Variants in UNC13C observed in about 807,000 individuals in gnomAD.
UNC13C encodes unc-13 homolog C.
Under a neutral mutation model 245.4 loss-of-function variants are expected in UNC13C, and 174 were observed. That is an observed-to-expected ratio of 0.71 (90% CI 0.63 to 0.80). The LOEUF is 0.80. UNC13C is among the 30% of genes least tolerant of loss of function. The probability of loss-of-function intolerance (pLI) is 0.00; values close to 1 mark genes in which losing one functional copy is unlikely to be tolerated. For synonymous variants in UNC13C, 992 were observed against 895.1 expected, an observed-to-expected ratio of 1.11 and a Z score of -1.93; for missense variants, 2,829 against 2,602.9, an observed-to-expected ratio of 1.09 and a Z score of -1.89.
intron 15 of UNC13C, among the ~76,000 whole-genome samples, chr15:54,332,648 T>A (rs1366336117): frequency 6.6e-6 from 1 of 151,974 alleles, no homozygotes; most frequent in Non-Finnish European, 1.5e-5. Context: ...ACAAATATAT[T>A]CATGTACATA....
chr15:54,040,828 C>T (rs1041125842), intron 2 of UNC13C, among the ~76,000 whole-genome samples: 1 of 152,202 alleles, frequency 6.6e-6, no homozygotes, highest in African/African-American at 2.4e-5. Flanking sequence ...CTGAAATGTT[C>T]TTGCCTCAGG....
chr15:54,414,181 G>A (rs1424245116), intron 18 of UNC13C, among the ~76,000 whole-genome samples: 1 of 152,018 alleles, frequency 6.6e-6, no homozygotes, highest in Non-Finnish European at 1.5e-5. Flanking sequence ...AGGGAGTGAG[G>A]AATCTTTGTT....
At chr15:54,361,145 CT>C (rs2039221497) in intron 17 of UNC13C, among the ~76,000 whole-genome samples, 2 of 152,028 alleles carry the variant, frequency 1.3e-5, no homozygotes, top group Non-Finnish European at 2.9e-5. Flanking sequence ...CATAGGACTT[CT>C]TTACTCTTTT....
chr15:54,459,540 C>T (rs775681226), intron 19 of UNC13C, among the ~76,000 whole-genome samples: 12 of 152,186 alleles, frequency 7.9e-5, no homozygotes, highest in South Asian at 2.1e-4. Context: ...ATTATTCTTA[C>T]GTTTGGTTGT....
chr15:54,258,228 T>C (rs189765434), intron 8 of UNC13C, among the ~76,000 whole-genome samples: 110 of 152,256 alleles, frequency 7.2e-4, no homozygotes, highest in Non-Finnish European at 1.4e-3. Context: ...CTTTAAGCCC[T>C]TCCTTGGCCC....
intron 2 of UNC13C, among the ~76,000 whole-genome samples, chr15:54,081,856 A>T (rs1898960286): frequency 6.6e-6 from 1 of 151,948 alleles, no homozygotes; most frequent in Admixed American, 6.5e-5. Flanking sequence ...GCTTTGTACA[A>T]TTGTGTAGCT....
chr15:54,385,223 C>G (rs8042489), intron 17 of UNC13C, among the ~76,000 whole-genome samples: 6,848 of 152,138 alleles, frequency 0.045, 433 homozygotes, highest in African/African-American at 0.14. Context: ...GAACGATGCC[C>G]ACTTTCACCG....
rs571408903 is a variant in UNC13C at position 54,427,078 on chromosome 15, G to A, written c.4933+12011G>A. On this transcript the variant is annotated intron_variant, in intron 19 of 32. Transcript: ENST00000260323. ...TTTTTCTACTCTTAGAATATATAAA[G>A]CATAACATTTTACAAATACCAGAGG... 4.5e-4 allele frequency among the ~76,000 whole-genome samples: 69 copies of A among 151,804 alleles called. No homozygotes were observed. In the South Asian group the frequency reaches 9.3e-3, roughly 21 times the overall value.
In UNC13C at chr15:54,013,552, A is replaced by G. The variant is rs750773892; in HGVS notation, c.649A>G (p.Thr217Ala). 3 of 1,613,900 alleles carry G rather than the reference A, an allele frequency of 1.9e-6. No individual in the cohort carries two copies. The South Asian group carries it at 3.3e-5, about 18-fold the overall frequency. Residue 217 changes from threonine to alanine, a missense_variant, in exon 2 of 33, where the codon ACT becomes GCT. Transcript: ENST00000260323. ...AATAAGAAGTAAGTCTTTGGACAGA[A>G]CTGTCCGAAACCCAAAGACAAATGC... ...WGIRSKSLDR[T>A]VRNPKTNALE...
chr15:54,353,767 T>C (rs2039035427), intron 17 of UNC13C, among the ~76,000 whole-genome samples: 1 of 152,224 alleles, frequency 6.6e-6, no homozygotes, highest in African/African-American at 2.4e-5. Context: ...TTTTGAATTA[T>C]TTGCCAAATG....
chr15:54,407,846 A>T (rs942970984), intron 18 of UNC13C, among the ~76,000 whole-genome samples: 16 of 152,126 alleles, frequency 1.1e-4, no homozygotes, highest in African/African-American at 3.6e-4. Context: ...AATACCAACA[A>T]AAAAGAAAGA....
chr15:54,063,783 A>G (rs1897951454), intron 2 of UNC13C, among the ~76,000 whole-genome samples: 1 of 152,198 alleles, frequency 6.6e-6, no homozygotes, highest in Non-Finnish European at 1.5e-5. Context: ...GGTGCAGGAA[A>G]ATGCTAATGG....
the UNC13C span, among the ~76,000 whole-genome samples, chr15:53,950,810 G>T: frequency 1.3e-5 from 2 of 152,162 alleles, no homozygotes; most frequent in Non-Finnish European, 2.9e-5. Flanking sequence ...ATTTTGCATT[G>T]CTTAGAGAAG....
At chr15:54,632,446 A>G (rs1901472160), downstream of UNC13C, 1 of 152,182 alleles carries the variant, frequency 6.6e-6, no homozygotes, top group African/African-American at 2.4e-5. Flanking sequence ...CTATGTTTTC[A>G]TATGGAAATT....
the UNC13C span, among the ~76,000 whole-genome samples, chr15:53,925,139 G>A: frequency 7.2e-5 from 11 of 152,256 alleles, no homozygotes; most frequent in African/African-American, 2.6e-4. Flanking sequence ...ATTATTTTGT[G>A]TCTTTAATGG....
chr15:54,302,238 G>A (rs1429555467), intron 13 of UNC13C, among the ~76,000 whole-genome samples: 1 of 152,062 alleles, frequency 6.6e-6, no homozygotes, highest in African/African-American at 2.4e-5. Context: ...CATTCTGTAG[G>A]TTGCCTATTC....
At chr15:54,176,312 G>C (rs1567070219) in intron 4 of UNC13C, among the ~76,000 whole-genome samples, 1 of 152,070 alleles carries the variant, frequency 6.6e-6, no homozygotes, top group Non-Finnish European at 1.5e-5. Flanking sequence ...GAAGATAGGA[G>C]CCAATTACAG....
At chr15:54,317,779 A>G (rs1360393154) in intron 13 of UNC13C, among the ~76,000 whole-genome samples, 1 of 151,936 alleles carries the variant, frequency 6.6e-6, no homozygotes, top group Admixed American at 6.6e-5. Flanking sequence ...TTTTTCACAA[A>G]TACAATATAT....
chr15:54,040,750 C>A (rs917667702), intron 2 of UNC13C, among the ~76,000 whole-genome samples: 1 of 152,132 alleles, frequency 6.6e-6, no homozygotes, highest in African/African-American at 2.4e-5. Flanking sequence ...TAGAGGTGAG[C>A]ACCCAGAATA....
Sources: allele counts gnomAD v4.1 joint callset (sites outside exome capture counted in the v4.1 genomes callset), GRCh38; gene constraint gnomAD v4.1.1; transcripts MANE v1.5; gene names NCBI Gene and HGNC (gene_info 2026-07-23, HGNC 2026-07-21).